CHLSN: variants seen among roughly 807,000 people sequenced by gnomAD.
The protein encoded by CHLSN is protein cholesin.
the CHLSN span, among the ~76,000 whole-genome samples, chr7:1,012,975 G>A: frequency 1.3e-5 from 2 of 152,240 alleles, no homozygotes; most frequent in Admixed American, 6.5e-5. Context: ...GGGAGGGTGT[G>A]CAGCTGGAGG....
At chr7:1,028,503 G>C in the CHLSN span, 1 of 985,184 alleles carries the variant, frequency 1.0e-6, no homozygotes, top group Non-Finnish European at 1.2e-6. Context: ...GAGAAGGCGG[G>C]GGTGGACCCT....
chr7:1,059,759 C>T, the CHLSN span, among the ~76,000 whole-genome samples: 5 of 120,792 alleles, frequency 4.1e-5, 1 homozygote, highest in Non-Finnish European at 8.3e-5. Context: ...TGAGGCAGGT[C>T]TTAGTGGGGC....
the CHLSN span, among the ~76,000 whole-genome samples, chr7:1,069,123 T>G: frequency 0.48 from 72,875 of 151,934 alleles, 17,784 homozygotes; most frequent in Middle Eastern, 0.55. Flanking sequence ...ACCTGAGGTC[T>G]GGAGTTCGAG....
At chr7:1,010,147 A>C in the CHLSN span, 17 of 1,607,086 alleles carry the variant, frequency 1.1e-5, no homozygotes, top group Non-Finnish European at 1.4e-5. Flanking sequence ...CTTCGCCCTG[A>C]AAGTCAAGGA....
the CHLSN span, chr7:987,383 C>G: frequency 6.3e-7 from 1 of 1,594,884 alleles, no homozygotes; most frequent in Non-Finnish European, 8.5e-7. Context: ...GTGCTGGGCC[C>G]TGGGCGGACT....
At chr7:1,062,518 A>C in the CHLSN span, among the ~76,000 whole-genome samples, 5 of 152,226 alleles carry the variant, frequency 3.3e-5, no homozygotes, top group East Asian at 9.6e-4. Context: ...AAACGGTAGC[A>C]GAGGGAGTAC....
chr7:1,039,074 C>A, the CHLSN span, among the ~76,000 whole-genome samples: 1 of 77,748 alleles, frequency 1.3e-5, no homozygotes, highest in Admixed American at 1.2e-4. Context: ...GGTCAGCCCC[C>A]CTGCCCGGCC....
the CHLSN span, among the ~76,000 whole-genome samples, chr7:1,037,123 T>G: frequency 6.8e-6 from 1 of 147,198 alleles, no homozygotes; most frequent in Non-Finnish European, 1.5e-5. Context: ...AAAAAAATTT[T>G]TTTTAGCAAA....
At chr7:1,102,790 T>C in the CHLSN span, among the ~76,000 whole-genome samples, 3 of 152,204 alleles carry the variant, frequency 2.0e-5, no homozygotes, top group East Asian at 1.9e-4. Flanking sequence ...GATTGGGAAG[T>C]TGCACACGGG....
At chr7:998,998 A>G in the CHLSN span, among the ~76,000 whole-genome samples, 1 of 152,230 alleles carries the variant, frequency 6.6e-6, no homozygotes, top group South Asian at 2.1e-4. Flanking sequence ...GTACGGTTAC[A>G]TATGAAATAA....
At chr7:1,076,549 C>T in the CHLSN span, among the ~76,000 whole-genome samples, 2 of 152,248 alleles carry the variant, frequency 1.3e-5, no homozygotes. Flanking sequence ...GAGGGTTCCC[C>T]TAACACAGGC....
the CHLSN span, among the ~76,000 whole-genome samples, chr7:983,814 A>G: frequency 2.6e-5 from 4 of 152,128 alleles, no homozygotes; most frequent in African/African-American, 7.2e-5. Context: ...TCATCTGTGA[A>G]ATGGGAAGAG....
chr7:990,820 G>A, the CHLSN span, among the ~76,000 whole-genome samples: 6 of 152,142 alleles, frequency 3.9e-5, no homozygotes, highest in East Asian at 3.9e-4. Context: ...GGGGCCACGC[G>A]ACGCCCCGCC....
the CHLSN span, among the ~76,000 whole-genome samples, chr7:1,006,719 G>A: frequency 6.6e-6 from 1 of 150,874 alleles, no homozygotes; most frequent in Admixed American, 6.6e-5. Context: ...GCGCATGACG[G>A]TCACAGCGCA....
the CHLSN span, among the ~76,000 whole-genome samples, chr7:1,041,302 A>G: frequency 1.3e-3 from 155 of 115,466 alleles, 6 homozygotes; most frequent in East Asian, 0.012. Flanking sequence ...GGGGAAGGGG[A>G]CCTGGGGTCC....
At chr7:1,046,156 G>A in the CHLSN span, among the ~76,000 whole-genome samples, 13 of 152,364 alleles carry the variant, frequency 8.5e-5, no homozygotes, top group African/African-American at 3.1e-4. Context: ...ACAGTCGGAA[G>A]AGGGACATGC....
At chr7:1,088,109 A>C in the CHLSN span, 1 of 152,270 alleles carries the variant, frequency 6.6e-6, no homozygotes, top group African/African-American at 2.4e-5. This position sits in a 1 kb window ranked among gnomAD's most constrained non-coding sequence, Gnocchi z 4.5. Context: ...CAAGGGGCAG[A>C]CTCACTGGCT....
At chr7:994,537 G>A in the CHLSN span, among the ~76,000 whole-genome samples, 10 of 152,120 alleles carry the variant, frequency 6.6e-5, no homozygotes, top group East Asian at 5.8e-4. Flanking sequence ...TTGACCTCCC[G>A]AGCTCAAGCC....
At chr7:1,066,925 G>T in the CHLSN span, among the ~76,000 whole-genome samples, 1 of 142,736 alleles carries the variant, frequency 7.0e-6, no homozygotes, top group Non-Finnish European at 1.5e-5. Context: ...AGTGCACCCA[G>T]AGGTGAGGGT....
Sources: gnomAD v4.1 joint callset for allele counts (sites outside exome capture counted in the v4.1 genomes callset) on GRCh38, gnomAD v4.1.1 for gene constraint, Gnocchi (gnomAD v3.1) non-coding constraint, MANE v1.5 for transcripts, NCBI Gene and HGNC (gene_info 2026-07-23, HGNC 2026-07-21) for gene names.